The following ALCAM variants were observed in gnomAD, a reference collection of about 807,000 sequenced individuals.
The protein encoded by ALCAM is CD166 antigen.
A neutral mutation model predicts 70.9 loss-of-function variants in ALCAM; 30 were observed. That is an observed-to-expected ratio of 0.42 (90% CI 0.32 to 0.57). The LOEUF is 0.57. Among genes scored for constraint, ALCAM ranks in the 20% least tolerant of loss-of-function variants. The pLI is 0.11. For missense variants in ALCAM, 591 were observed against 695.1 expected (o/e 0.85, Z 1.68); for synonymous variants, 249 against 242.5 (o/e 1.03, Z -0.25).
chr3:105,533,785 T>C lies in ALCAM; in HGVS notation c.547+95T>C, dbSNP rs141481939. ...TTCTTTAAACCAGTGGTCTCCAACC[T>C]TTTTGGCACCAGGAACTGGTTTCAT... On this transcript the variant is annotated intron_variant, in intron 5 of 15. Coordinates refer to ENST00000306107, the MANE Select transcript of ALCAM (RefSeq NM_001627.4). 5.0e-4 allele frequency: 581 copies of C among 1,155,306 alleles called. 5 individuals are homozygous for C. In the African/African-American group the frequency reaches 8.2e-3, roughly 16 times the overall value. The allele number at this position is 1,155,306 out of a possible 1,614,324, so 71.6% of individuals were successfully genotyped here.
At chr3:105,539,505 G>A (rs1382620202) in intron 6 of ALCAM, among the ~76,000 whole-genome samples, 1 of 152,020 alleles carries the variant, frequency 6.6e-6, no homozygotes, top group Non-Finnish European at 1.5e-5. Context: ...CCTCGCTGGT[G>A]TTGTTTAGCT....
intron 1 of ALCAM, among the ~76,000 whole-genome samples, chr3:105,482,388 G>A (rs1038355510): frequency 1.3e-5 from 2 of 152,046 alleles, no homozygotes; most frequent in Admixed American, 6.6e-5. Flanking sequence ...GAGATAACAG[G>A]TGTGAACCAC....
At chr3:105,523,323 T>C (rs576623847) in intron 2 of ALCAM, among the ~76,000 whole-genome samples, 1 of 152,286 alleles carries the variant, frequency 6.6e-6, no homozygotes, top group Non-Finnish European at 1.5e-5. Context: ...AAACCTGTGA[T>C]TAAAACAGTT....
At chr3:105,475,724 T>C (rs1236693129) in intron 1 of ALCAM, among the ~76,000 whole-genome samples, 2 of 151,978 alleles carry the variant, frequency 1.3e-5, no homozygotes, top group South Asian at 2.1e-4. Flanking sequence ...GGACTAGTTT[T>C]TAAAACTGGT....
At chr3:105,457,299 A>G (rs1937546235) in intron 1 of ALCAM, among the ~76,000 whole-genome samples, 1 of 152,072 alleles carries the variant, frequency 6.6e-6, no homozygotes, top group African/African-American at 2.4e-5. Flanking sequence ...CCAGTCTGTC[A>G]TTGATGAGCA....
chr3:105,503,070 G>A (rs1477973842), intron 1 of ALCAM, among the ~76,000 whole-genome samples: 2 of 152,228 alleles, frequency 1.3e-5, no homozygotes, highest in Non-Finnish European at 2.9e-5. Flanking sequence ...GAGAGTTTAA[G>A]TTCCAGCTTT....
intron 1 of ALCAM, among the ~76,000 whole-genome samples, chr3:105,502,864 A>G (rs1403618034): frequency 6.6e-6 from 1 of 152,224 alleles, no homozygotes; most frequent in Non-Finnish European, 1.5e-5. Flanking sequence ...TCCTTGATCT[A>G]CTCATCAGTG....
At chr3:105,470,100 CAT>C (rs145627943) in intron 1 of ALCAM, among the ~76,000 whole-genome samples, 27,837 of 145,366 alleles carry the variant, frequency 0.19, 2,787 homozygotes, top group East Asian at 0.38. Flanking sequence ...CACACATATA[CAT>C]ATATGTGTGT....
chr3:105,422,931 C>T (rs909874062), intron 1 of ALCAM, among the ~76,000 whole-genome samples: 5 of 151,370 alleles, frequency 3.3e-5, no homozygotes, highest in Admixed American at 6.6e-5. Flanking sequence ...TGTACTAGTT[C>T]GGCCTTGAAA....
Position 105,469,073 on chromosome 3 carries a change from T to C in ALCAM, c.74-50994T>C, listed in dbSNP as rs1197209888. Among the ~76,000 whole-genome samples the C allele has an allele frequency of 2.6e-5, 4 of 151,290 alleles. No individual in the cohort carries two copies. In the East Asian group the frequency reaches 7.7e-4, roughly 29 times the overall value. On this transcript the variant is annotated intron_variant, in intron 1 of 15. Transcript: ENST00000306107. ...TCATTATATGTGAGCATTGTCCTGC[T>C]TCTTCATATGTGTATCAATTCTGTA...
chr3:105,396,681 CCT>C (rs1935959191), intron 1 of ALCAM, among the ~76,000 whole-genome samples: 1 of 151,972 alleles, frequency 6.6e-6, no homozygotes, highest in Admixed American at 6.6e-5. Context: ...ACTGCCCAGT[CCT>C]CTGTCTGTCC....
intron 1 of ALCAM, among the ~76,000 whole-genome samples, chr3:105,426,362 A>G (rs1166678316): frequency 6.6e-6 from 1 of 152,000 alleles, no homozygotes; most frequent in Non-Finnish European, 1.5e-5. Context: ...AAATGTACAT[A>G]TAACAATTGT....
At chr3:105,527,290 A>C (rs1939728476) in intron 3 of ALCAM, among the ~76,000 whole-genome samples, 1 of 152,172 alleles carries the variant, frequency 6.6e-6, no homozygotes, top group Non-Finnish European at 1.5e-5. Flanking sequence ...ATGGGTACCC[A>C]GAGAGCCAGA....
At chr3:105,447,585 G>A (rs536518175) in intron 1 of ALCAM, among the ~76,000 whole-genome samples, 1 of 152,196 alleles carries the variant, frequency 6.6e-6, no homozygotes, top group African/African-American at 2.4e-5. Flanking sequence ...ATGCATCTGG[G>A]GTGCTACCAC....
chr3:105,494,407 A>C (rs1640501936), intron 1 of ALCAM, among the ~76,000 whole-genome samples: 1 of 151,914 alleles, frequency 6.6e-6, no homozygotes, highest in South Asian at 2.1e-4. Flanking sequence ...TTGTTTTATA[A>C]AGGGCCTGCC....
chr3:105,522,000 A>T (rs1368684716), intron 2 of ALCAM, among the ~76,000 whole-genome samples: 6 of 152,204 alleles, frequency 3.9e-5, no homozygotes, highest in Non-Finnish European at 8.8e-5. Context: ...GCACTTGTTC[A>T]ATCAAATTTG....
Position 105,540,035 on chromosome 3 carries a change from A to T in ALCAM, c.791A>T (p.Asp264Val). The change falls in exon 7 of 16, where the codon GAT becomes GTT. Residue 264 changes from aspartate to valine, a missense_variant. Around this residue, in one of 2 missense-constraint regions of ALCAM, gnomAD observed 427 missense variants for 450.4 expected, o/e 0.95. Coordinates refer to ENST00000306107, the MANE Select transcript of ALCAM (RefSeq NM_001627.4). ...CCAAAAAATGCCATCAAAGAAGGGG[A>T]TAACATCACTCTTAAATGCTTAGGG... ...LPPKNAIKEG[D>V]NITLKCLGNG... 1 of 1,612,636 alleles carries T rather than the reference A, an allele frequency of 6.2e-7. No individual in the cohort carries two copies. The highest frequency in any genetic ancestry group is 8.5e-7 in the Non-Finnish European group (1 of 1,178,960).
chr3:105,407,202 T>A (rs564764376), intron 1 of ALCAM, among the ~76,000 whole-genome samples: 1 of 152,226 alleles, frequency 6.6e-6, no homozygotes, highest in South Asian at 2.1e-4. Flanking sequence ...TAAATCCTTC[T>A]GTGAAGTCAC....
At chr3:105,451,878 C>T (rs1375134734) in intron 1 of ALCAM, among the ~76,000 whole-genome samples, 1 of 152,128 alleles carries the variant, frequency 6.6e-6, no homozygotes, top group Non-Finnish European at 1.5e-5. Flanking sequence ...TTGCCACCTT[C>T]CCCAAGTCCC....
Sources: gnomAD v4.1 joint callset for allele counts (sites outside exome capture counted in the v4.1 genomes callset) on GRCh38, gnomAD v4.1.1 for gene constraint, gnomAD v4.1.1 regional missense constraint, MANE v1.5 for transcripts, NCBI Gene and HGNC (gene_info 2026-07-23, HGNC 2026-07-21) for gene names.